The following ASAP1 variants were observed in gnomAD, a reference collection of about 807,000 sequenced individuals.
ASAP1 encodes the protein arf-GAP with SH3 domain, ANK repeat and PH domain-containing protein 1.
A neutral mutation model predicts 145.2 loss-of-function variants in ASAP1; 43 were observed. The ratio of observed to expected loss-of-function variants is 0.30; its 90% CI spans 0.23 to 0.38. ASAP1 has a LOEUF of 0.38. Ranked by LOEUF, ASAP1 falls within the 10% of genes least tolerant of loss-of-function variation. The pLI is 1.00. For synonymous variants in ASAP1, 546 were observed against 515.5 expected, an observed-to-expected ratio of 1.06 and a Z score of -0.80; for missense variants, 1,018 against 1,355.3, an observed-to-expected ratio of 0.75 and a Z score of 3.91.
intron 2 of ASAP1, among the ~76,000 whole-genome samples, chr8:130,396,879 A>G (rs1426264952): frequency 6.6e-6 from 1 of 152,214 alleles, no homozygotes; most frequent in Non-Finnish European, 1.5e-5. Flanking sequence ...AGGAGGGTCT[A>G]AAGTTTAGGT....
At chr8:130,070,848 GGA>G (rs58156082) in intron 27 of ASAP1, among the ~76,000 whole-genome samples, 689 of 15,116 alleles carry the variant, frequency 0.046, 73 homozygotes, top group African/African-American at 0.13. Context: ...AGGGAGAGAG[GGA>G]GAGAGAGGGA....
chr8:130,243,427 G>A (rs1203359478), intron 3 of ASAP1, among the ~76,000 whole-genome samples: 1 of 152,080 alleles, frequency 6.6e-6, no homozygotes, highest in Non-Finnish European at 1.5e-5. Context: ...ATGAATGAAA[G>A]GAATGAACAC....
At chr8:130,139,631 A>T (rs2097604716) in intron 13 of ASAP1, among the ~76,000 whole-genome samples, 1 of 152,136 alleles carries the variant, frequency 6.6e-6, no homozygotes, top group African/African-American at 2.4e-5. Context: ...CAGGAGGCTA[A>T]GGCAGGAGAA....
At chr8:130,148,516 A>G (rs1474686232) in intron 13 of ASAP1, among the ~76,000 whole-genome samples, 1 of 152,230 alleles carries the variant, frequency 6.6e-6, no homozygotes, top group Non-Finnish European at 1.5e-5. Flanking sequence ...TTGAAGATGA[A>G]GTGCAGGGTG....
intron 3 of ASAP1, among the ~76,000 whole-genome samples, chr8:130,308,325 T>A (rs112633823): frequency 6.6e-6 from 1 of 152,212 alleles, no homozygotes; most frequent in Non-Finnish European, 1.5e-5. Context: ...ATAAGAAACC[T>A]GAATACAGGC....
At chr8:130,183,996 C>T (rs1384930637) in intron 7 of ASAP1, among the ~76,000 whole-genome samples, 1 of 152,096 alleles carries the variant, frequency 6.6e-6, no homozygotes, top group Non-Finnish European at 1.5e-5. Context: ...ACATAATGTA[C>T]TTTATAAACA....
intron 2 of ASAP1, among the ~76,000 whole-genome samples, chr8:130,400,708 G>C (rs1205225881): frequency 2.0e-5 from 3 of 151,202 alleles, no homozygotes; most frequent in African/African-American, 4.9e-5. Flanking sequence ...GGAGAATGGC[G>C]TGAAGCCGGG....
At position 130,347,563 on chromosome 8, in the gene ASAP1, G is replaced by A. The variant is rs565408502; in HGVS notation, c.186+10454C>T. On this transcript the variant is annotated intron_variant, in intron 3 of 29. Transcript: ENST00000518721. Reference sequence around the variant, plus strand: ...TTTGCTGTGTGATCTGGGTATAAACGGTGTGCTTCCCTATCCTCCTACTCT... The same window carrying A: ...TTTGCTGTGTGATCTGGGTATAAACAGTGTGCTTCCCTATCCTCCTACTCT... 7.2e-5 allele frequency among the ~76,000 whole-genome samples: 11 copies of A among 152,266 alleles called. No homozygotes were observed. The East Asian group carries it at 1.2e-3, about 16-fold the overall frequency.
intron 2 of ASAP1, among the ~76,000 whole-genome samples, chr8:130,385,703 C>G (rs1206861201): frequency 2.0e-5 from 3 of 152,170 alleles, no homozygotes; most frequent in African/African-American, 7.2e-5. Context: ...ATGTTGCTGA[C>G]ATCACTCTCC....
At chr8:130,331,633 G>C (rs1824696212) in intron 3 of ASAP1, among the ~76,000 whole-genome samples, 1 of 152,126 alleles carries the variant, frequency 6.6e-6, no homozygotes, top group Admixed American at 6.5e-5. Context: ...GTTATCATGA[G>C]AAAAGTATTA....
chr8:130,060,827 G>A lies in ASAP1; in HGVS notation c.2944C>T (p.Pro982Ser), dbSNP rs760278832. The change falls in exon 28 of 30, where the codon CCC (proline) becomes TCC (serine). Residue 982 changes from proline to serine, a missense_variant. Physicochemically the swap from Pro to Ser is moderately conservative, Grantham distance 74. This residue lies in a region of ASAP1 where 139 missense variants were observed against 131.0 expected (regional missense o/e 1.06). Coordinates refer to ENST00000518721, the MANE Select transcript of ASAP1 (RefSeq NM_018482.4). The part of the protein sequence containing the change: ...PPKPQLSDLP[P>S]KPQMKDLPPK... ...GGCAGGTCCTTCATCTGTGGTTTGG[G>A]AGGTAAGTCTGAGAGTTGGGGTTTG... is the stretch of plus-strand genomic sequence containing the variant. The A allele has an allele frequency of 2.0e-5, 32 of 1,613,868 alleles. No individual in the cohort carries two copies. Among genetic ancestry groups the A allele is most frequent in the Middle Eastern group, 1.6e-4 (1 of 6,084 alleles).
In ASAP1 at chr8:130,149,147, G is replaced by A. The variant is rs901637076; in HGVS notation, c.1080+3589C>T. The stretch of plus-strand genomic sequence containing the variant: ...GCGGATTACAGGCATGAGCCACCGC[G>A]CCTGGCCTGAGGCTAACTGAAATGT... On this transcript the variant is annotated intron_variant, in intron 13 of 29. Coordinates refer to ENST00000518721, the MANE Select transcript of ASAP1 (RefSeq NM_018482.4). Among the ~76,000 whole-genome samples, 5 of 149,918 alleles carry A rather than the reference G, an allele frequency of 3.3e-5. No homozygotes were observed. In the South Asian group the frequency reaches 1.1e-3, roughly 32 times the overall value.
intron 2 of ASAP1, among the ~76,000 whole-genome samples, chr8:130,392,367 G>A (rs1194377406): frequency 6.6e-6 from 1 of 152,234 alleles, no homozygotes; most frequent in Non-Finnish European, 1.5e-5. Context: ...AGGGAAAAGG[G>A]ATGTGCATTC....
chr8:130,410,753 A>G (rs960485205), intron 1 of ASAP1, among the ~76,000 whole-genome samples: 1 of 152,256 alleles, frequency 6.6e-6, no homozygotes, highest in Non-Finnish European at 1.5e-5. Flanking sequence ...CAAGCACAGC[A>G]AAGAGGAGAG....
intron 24 of ASAP1, among the ~76,000 whole-genome samples, chr8:130,095,229 G>C (rs1360686047): frequency 6.6e-6 from 1 of 150,920 alleles, no homozygotes; most frequent in African/African-American, 2.4e-5. Flanking sequence ...CTGGTTTCGT[G>C]TAGAGTAAAT....
intron 4 of ASAP1, among the ~76,000 whole-genome samples, chr8:130,228,291 T>C (rs1271684677): frequency 6.6e-6 from 1 of 152,130 alleles, no homozygotes; most frequent in Non-Finnish European, 1.5e-5. Context: ...TCAACTAGGC[T>C]TCTCCACTTC....
At chr8:130,256,598 A>T (rs1187271652) in intron 3 of ASAP1, among the ~76,000 whole-genome samples, 1 of 151,778 alleles carries the variant, frequency 6.6e-6, no homozygotes, top group Non-Finnish European at 1.5e-5. Flanking sequence ...TTTGCCTTGG[A>T]GATAAAATTT....
intron 24 of ASAP1, among the ~76,000 whole-genome samples, chr8:130,106,795 C>T (rs937024451): frequency 6.6e-6 from 1 of 152,240 alleles, no homozygotes; most frequent in African/African-American, 2.4e-5. Context: ...AATCCTCTCT[C>T]TGAAGCTGTG....
At chr8:130,194,374 G>A (rs922699299) in intron 5 of ASAP1, among the ~76,000 whole-genome samples, 1 of 151,222 alleles carries the variant, frequency 6.6e-6, no homozygotes, top group African/African-American at 2.4e-5. Context: ...ATATTCACTG[G>A]GGGGAGCAAA....
Sources: gnomAD v4.1 joint callset for allele counts (sites outside exome capture counted in the v4.1 genomes callset) on GRCh38, gnomAD v4.1.1 for gene constraint, gnomAD v4.1.1 regional missense constraint, MANE v1.5 for transcripts, NCBI Gene and HGNC (gene_info 2026-07-23, HGNC 2026-07-21) for gene names.